NBEA: variants seen among roughly 807,000 people sequenced by gnomAD.
NBEA encodes lysosomal-trafficking regulator 2.
NBEA carries 44 observed loss-of-function variants against 343.4 expected under a neutral mutation model. The observed-to-expected ratio is 0.13, with a 90% CI of 0.10 to 0.16. NBEA has a LOEUF of 0.16. NBEA is among the 10% of genes least tolerant of loss of function. NBEA has a pLI of 1.00. For missense variants in NBEA, 2,555 were observed against 3,631.3 expected, an observed-to-expected ratio of 0.70 and a Z score of 7.62; for synonymous variants, 1,175 against 1,238.7, an observed-to-expected ratio of 0.95 and a Z score of 1.08.
At chr13:35,238,243 T>C (rs1193258776) in intron 34 of NBEA, among the ~76,000 whole-genome samples, 1 of 152,206 alleles carries the variant, frequency 6.6e-6, no homozygotes, top group Non-Finnish European at 1.5e-5. Flanking sequence ...TCAGAGTAAC[T>C]TAGTTATGAT....
intron 1 of NBEA, among the ~76,000 whole-genome samples, chr13:34,987,053 G>A (rs2060575530): frequency 6.6e-6 from 1 of 150,894 alleles, no homozygotes; most frequent in Non-Finnish European, 1.5e-5. Context: ...CTGTCATTAT[G>A]CTGTTAGCCG....
chr13:34,992,194 ATATATGTGTGTGTGTGTGTGTGTG>A (rs2060776698), intron 1 of NBEA, among the ~76,000 whole-genome samples: 1 of 141,650 alleles, frequency 7.1e-6, no homozygotes, highest in African/African-American at 2.7e-5. Context: ...GTGTGTGTAT[ATATATGTGTGTGTGTGTGTGTGTG>A]TATATGTGTG....
At chr13:34,963,290 C>T (rs2059716132) in intron 1 of NBEA, among the ~76,000 whole-genome samples, 2 of 151,908 alleles carry the variant, frequency 1.3e-5, no homozygotes, top group South Asian at 4.2e-4. Context: ...TTCCCTTTGT[C>T]TTCATATGTG....
At chr13:35,565,075 G>T (rs911724063) in intron 44 of NBEA, among the ~76,000 whole-genome samples, 26 of 152,170 alleles carry the variant, frequency 1.7e-4, no homozygotes, top group African/African-American at 6.0e-4. Context: ...ATAGAGGTCT[G>T]TATGAGAACT....
chr13:35,364,430 G>C (rs1405313279), intron 38 of NBEA, among the ~76,000 whole-genome samples: 2 of 151,824 alleles, frequency 1.3e-5, no homozygotes, highest in Non-Finnish European at 2.9e-5. Flanking sequence ...TAAAATAATA[G>C]AGTGTACTTA....
chr13:35,110,985 A>G lies in NBEA; in HGVS notation c.2002+7A>G, dbSNP rs774181606. ...ATTACACCTAAAGGATTAGGTATGT[A>G]TACCACTTCCACTGTATTTACATTT... is the stretch of plus-strand genomic sequence containing the variant. On this transcript the variant is annotated splice_region_variant and intron_variant, in intron 13 of 58. Coordinates refer to ENST00000379939, the MANE Select transcript of NBEA (RefSeq NM_001385012.1). The G allele has an allele frequency of 1.9e-6, 3 of 1,590,644 alleles. No individual in the cohort carries two copies. The highest frequency in any genetic ancestry group is 1.1e-5 in the South Asian group (1 of 89,094).
At position 35,184,083 on chromosome 13, in the gene NBEA, CTCA is replaced by C; in HGVS notation, c.4927+15_4927+17del. On this transcript the variant is annotated intron_variant, in intron 30 of 58. Transcript: ENST00000379939. ...CTCATTTTACAAAGGTAATACTGAC[CTCA>C]TCTCCTGACCTGTTTGGGTATTCTT... is the stretch of plus-strand genomic sequence containing the variant. The C allele has an allele frequency of 6.4e-7, 1 of 1,571,726 alleles. No individual in the cohort carries two copies. Among genetic ancestry groups the C allele is most frequent in the East Asian group, 2.3e-5 (1 of 44,372 alleles).
intron 35 of NBEA, among the ~76,000 whole-genome samples, chr13:35,293,304 A>G (rs973164967): frequency 5.3e-4 from 81 of 152,056 alleles, no homozygotes; most frequent in African/African-American, 1.9e-3. Context: ...AGAAGCTGTT[A>G]ATATTATCAT....
chr13:35,040,476 A>C (rs953738529), intron 1 of NBEA, among the ~76,000 whole-genome samples: 4 of 151,736 alleles, frequency 2.6e-5, no homozygotes, highest in Non-Finnish European at 5.9e-5. Context: ...TATGAGTTTC[A>C]TATTTCTTTA....
intron 39 of NBEA, among the ~76,000 whole-genome samples, chr13:35,432,830 CAT>C (rs2045208147): frequency 1.3e-5 from 2 of 151,432 alleles, no homozygotes; most frequent in African/African-American, 4.9e-5. Flanking sequence ...TACATATACA[CAT>C]GTAATATATA....
chr13:35,251,086 T>G (rs1593935655), intron 34 of NBEA: 1 of 178,114 alleles, frequency 5.6e-6, no homozygotes, highest in East Asian at 1.6e-4. Flanking sequence ...CCTTAGCCAT[T>G]GCACGAGGCA....
intron 17 of NBEA, among the ~76,000 whole-genome samples, chr13:35,140,908 A>G (rs1250863080): frequency 6.6e-6 from 1 of 152,196 alleles, no homozygotes; most frequent in Admixed American, 6.5e-5. Context: ...TTAGAGACCC[A>G]GGCAGCTTCT....
intron 30 of NBEA, among the ~76,000 whole-genome samples, chr13:35,187,563 G>A (rs2071811363): frequency 6.6e-6 from 1 of 151,498 alleles, no homozygotes; most frequent in African/African-American, 2.4e-5. Flanking sequence ...TTGGGACAAA[G>A]TTAAAATGCC....
Position 35,584,068 on chromosome 13 carries a change from T to C in NBEA, c.7176+30T>C, listed in dbSNP as rs1307195596. 4 of 1,599,724 alleles carry C rather than the reference T, an allele frequency of 2.5e-6. No homozygotes were observed. In the Admixed American group the frequency reaches 6.9e-5, roughly 28 times the overall value. On this transcript the variant is annotated intron_variant, in intron 46 of 58. Coordinates refer to ENST00000379939, the MANE Select transcript of NBEA (RefSeq NM_001385012.1). ...GTATCTTCATTGAGTTAGCTTGCCT[T>C]TGGTACCTTAAAATTTTAACATAAG... is the stretch of plus-strand genomic sequence containing the variant.
intron 41 of NBEA, among the ~76,000 whole-genome samples, chr13:35,482,534 C>A (rs1465165953): frequency 6.6e-6 from 1 of 150,652 alleles, no homozygotes; most frequent in Non-Finnish European, 1.5e-5. Context: ...CTTTTACATT[C>A]ACATATCCTT....
chr13:35,281,906 ATTATG>A (rs1346908769), intron 34 of NBEA, among the ~76,000 whole-genome samples: 3 of 151,960 alleles, frequency 2.0e-5, no homozygotes, highest in Non-Finnish European at 2.9e-5. Flanking sequence ...TAGAATATAA[ATTATG>A]TTATTTATTT....
chr13:35,353,745 A>G (rs1345012816), intron 38 of NBEA, among the ~76,000 whole-genome samples: 1 of 152,180 alleles, frequency 6.6e-6, no homozygotes, highest in South Asian at 2.1e-4. Context: ...TCTCCATTTT[A>G]CCGGGAAGAA....
chr13:35,317,222 T>C (rs533174332), intron 36 of NBEA, among the ~76,000 whole-genome samples: 1 of 152,360 alleles, frequency 6.6e-6, no homozygotes, highest in South Asian at 2.1e-4. Flanking sequence ...TAGGTTTTCT[T>C]CTAGGGTTTT....
intron 41 of NBEA, among the ~76,000 whole-genome samples, chr13:35,479,536 T>A (rs2076034122): frequency 6.6e-6 from 1 of 152,186 alleles, no homozygotes; most frequent in African/African-American, 2.4e-5. Context: ...TACATTTTTG[T>A]GCAGTTCAGC....
Sources: allele counts gnomAD v4.1 joint callset (sites outside exome capture counted in the v4.1 genomes callset), GRCh38; gene constraint gnomAD v4.1.1; transcripts MANE v1.5; gene names NCBI Gene and HGNC (gene_info 2026-07-23, HGNC 2026-07-21).